CD276: variants seen among roughly 807,000 people sequenced by gnomAD.
CD276 encodes CD276 molecule.
A neutral mutation model predicts 50.0 loss-of-function variants in CD276; 34 were observed. The observed-to-expected ratio is 0.68, with a 90% CI of 0.52 to 0.91. The LOEUF is 0.91. CD276 is among the 40% of genes least tolerant of loss of function. CD276 has a pLI of 0.00. For synonymous variants in CD276, 275 were observed against 313.0 expected, an observed-to-expected ratio of 0.88 and a Z score of 1.28; for missense variants, 634 against 717.5, an observed-to-expected ratio of 0.88 and a Z score of 1.33.
At chr15:73,712,334 TCC>T (rs1900937613) in intron 9 of CD276, among the ~76,000 whole-genome samples, 2 of 152,064 alleles carry the variant, frequency 1.3e-5, no homozygotes, top group African/African-American at 4.8e-5. Flanking sequence ...TCTTCTCCTC[TCC>T]CCAGGGACAT....
Position 73,704,431 on chromosome 15 carries a change from C to G in CD276, c.1328C>G (p.Pro443Arg), listed in dbSNP as rs374412194. ...NGTYSCLVRNPVLQQDAHGSV... is the reference protein window; with the variant it reads ...NGTYSCLVRNRVLQQDAHGSV... The stretch of plus-strand genomic sequence containing the variant: ...ACCTACAGCTGCCTGGTGCGCAACC[C>G]CGTGCTGCAGCAGGATGCGCACGGC... The change falls in exon 6 of 10, where the codon CCC becomes CGC. Residue 443 changes from proline (P) to arginine (R), a missense_variant. Pro to Arg is a moderately radical substitution (Grantham distance 103). Coordinates refer to ENST00000318443, the MANE Select transcript of CD276 (RefSeq NM_001024736.2). This position sits in a 1 kb window ranked among gnomAD's most constrained non-coding sequence, Gnocchi z 4.1. 1.8e-5 allele frequency: 29 copies of G among 1,613,892 alleles called. No homozygotes were observed. The African/African-American group carries it at 3.3e-4, about 19-fold the overall frequency.
Position 73,702,259 on chromosome 15 carries a change from C to T in CD276, c.84C>T (p.Ala28=). The T allele has an allele frequency of 6.2e-7, 1 of 1,607,322 alleles. No homozygotes were observed. The change falls in exon 3 of 10, where the codon GCC becomes GCT. Residue 28 remains alanine (A), a synonymous_variant. Transcript: ENST00000318443. ...LGALWFCLTG[A]LEVQVPEDPV... is the part of the protein sequence containing the mutation. ...CTCCACTCCCCCTACCCCCAGGAGC[C>T]CTGGAGGTCCAGGTCCCTGAAGACC...
intron 1 of CD276, among the ~76,000 whole-genome samples, chr15:73,691,798 A>G (rs1899998070): frequency 6.6e-6 from 1 of 152,250 alleles, no homozygotes; most frequent in Non-Finnish European, 1.5e-5. Flanking sequence ...TGTCAAGGAA[A>G]GAAGGAGCAG....
Position 73,704,850 on chromosome 15 carries a change from C to T in CD276, c.1369+378C>T, listed in dbSNP as rs148725052. On this transcript the variant is annotated intron_variant, in intron 6 of 9. Coordinates refer to ENST00000318443, the MANE Select transcript of CD276 (RefSeq NM_001024736.2). The surrounding 1 kb of genome is among the most constrained non-coding windows in gnomAD (Gnocchi z 4.1). ...TAGGAAGGTATTCTGGGTCAGTGGG[C>T]GCCATCTGATTCTGAAGCCTGAGTG... Among the ~76,000 whole-genome samples the T allele has an allele frequency of 1.7e-3, 266 of 152,272 alleles. 1 individual carries two copies. The highest frequency in any genetic ancestry group is 7.9e-3 in the East Asian group (41 of 5,172).
chr15:73,691,140 G>A (rs1381671005), intron 1 of CD276, among the ~76,000 whole-genome samples: 1 of 151,320 alleles, frequency 6.6e-6, no homozygotes, highest in African/African-American at 2.4e-5. Flanking sequence ...AGCAGGGGTA[G>A]AGAGAAATGG....
At chr15:73,689,403 G>A (rs74026253) in intron 1 of CD276, among the ~76,000 whole-genome samples, 9,411 of 152,088 alleles carry the variant, frequency 0.062, 344 homozygotes, top group East Asian at 0.1. Flanking sequence ...GTGGGATCAC[G>A]GGACTGGGGA....
In CD276 at chr15:73,687,107, T is replaced by G. The variant is rs1257879260; in HGVS notation, c.-55+2647T>G. 1.3e-5 allele frequency among the ~76,000 whole-genome samples: 2 copies of G among 152,122 alleles called. No individual in the cohort carries two copies. The highest frequency in any genetic ancestry group is 2.9e-5 in the Non-Finnish European group (2 of 68,012). ...TGCCTTTGGTCTTGTTGGCTCAGAA[T>G]GGACCCCACACCTGGAAGGGGGCCA... On this transcript the variant is annotated intron_variant, in intron 1 of 9. Coordinates refer to ENST00000318443, the MANE Select transcript of CD276 (RefSeq NM_001024736.2). This position sits in a 1 kb window ranked among gnomAD's most constrained non-coding sequence, Gnocchi z 4.0.
At chr15:73,703,544 T>G in intron 4 of CD276, 115 bp from the exon 5 acceptor site, 1 of 837,886 alleles carries the variant, frequency 1.2e-6, no homozygotes, top group East Asian at 2.7e-5. Flanking sequence ...AAGAAGAAAA[T>G]AGGAAGATGG....
intron 9 of CD276, among the ~76,000 whole-genome samples, chr15:73,712,466 C>T (rs924129433): frequency 6.6e-6 from 1 of 152,194 alleles, no homozygotes; most frequent in Non-Finnish European, 1.5e-5. Flanking sequence ...TGGGATGGCC[C>T]TCCACATGGA....
rs751089402 is a variant in CD276, at chr15:73,709,726, A to G, written c.1546+37A>G. On this transcript the variant is annotated intron_variant, in intron 8 of 9. Coordinates refer to ENST00000318443, the MANE Select transcript of CD276 (RefSeq NM_001024736.2). ...CTTGGAGCTGGCCCTCTTGGCTGGG[A>G]GAGGGACATATGGGAAAGGAGAGAG... 5.0e-6 allele frequency: 8 copies of G among 1,599,802 alleles called. No homozygotes were observed. The East Asian group carries it at 1.8e-4, about 36-fold the overall frequency.
chr15:73,711,430 A>G, intron 9 of CD276: 1 of 455,676 alleles, frequency 2.2e-6, no homozygotes. Context: ...AGCATAGGTA[A>G]TCGTAAAACC....
At chr15:73,710,591 T>C (rs1900856628) in intron 8 of CD276, among the ~76,000 whole-genome samples, 1 of 152,218 alleles carries the variant, frequency 6.6e-6, no homozygotes, top group Non-Finnish European at 1.5e-5. Flanking sequence ...AGATTGACAC[T>C]TGGGGACTGC....
chr15:73,710,529 T>C (rs1220079375), intron 8 of CD276, among the ~76,000 whole-genome samples: 2 of 152,168 alleles, frequency 1.3e-5, no homozygotes, highest in African/African-American at 2.4e-5. Flanking sequence ...CCATTTGGGA[T>C]GGTTCCAGTT....
intron 1 of CD276, among the ~76,000 whole-genome samples, chr15:73,689,188 C>CTGTGTGTGGGTGTGTGTG (rs1899882022): frequency 7.0e-6 from 1 of 142,626 alleles, no homozygotes. Context: ...TCTGTGCCTC[C>CTGTGTGTGGGTGTGTGTG]TGTGTGTGTG....
intron 8 of CD276, among the ~76,000 whole-genome samples, 196 bp from the exon 9 acceptor site, chr15:73,710,939 G>A (rs1292769435): frequency 6.6e-6 from 1 of 152,190 alleles, no homozygotes; most frequent in African/African-American, 2.4e-5. Flanking sequence ...AGAATGACAA[G>A]CCACAGAGTG....
chr15:73,704,964 G>C lies in CD276; in HGVS notation c.1369+492G>C, dbSNP rs1900590235. On this transcript the variant is annotated intron_variant, in intron 6 of 9. Transcript: ENST00000318443. The surrounding 1 kb of genome is among the most constrained non-coding windows in gnomAD (Gnocchi z 4.1). ...CTTGCGCTCCACCCAGGCAGCCGTT[G>C]GATGGGCAGGGGCTGTCTCTGCTGC... Among the ~76,000 whole-genome samples the C allele has an allele frequency of 1.3e-5, 2 of 152,236 alleles. No homozygotes were observed. The highest frequency in any genetic ancestry group is 2.9e-5 in the Non-Finnish European group (2 of 68,034).
At position 73,714,359 on chromosome 15, in the gene CD276, G is replaced by A. The variant is rs966226119; in HGVS notation, c.*1403G>A. On this transcript the variant is annotated 3_prime_UTR_variant, in exon 10 of 10. Coordinates refer to ENST00000318443, the MANE Select transcript of CD276 (RefSeq NM_001024736.2). The stretch of plus-strand genomic sequence containing the variant: ...GCCTCTGGCCAGCTCCTGGCCTCTG[G>A]TAGAGTGAGACTTCAGACGTTCTGA... 3 of 154,032 alleles carry A rather than the reference G, an allele frequency of 1.9e-5. No homozygotes were observed. Among genetic ancestry groups the A allele is most frequent in the African/African-American group, 4.8e-5 (2 of 41,466 alleles). The allele number at this position is 154,032 out of a possible 1,614,324, so 9.5% of individuals were successfully genotyped here.
At chr15:73,708,652 G>C in intron 7 of CD276, 179 bp downstream of exon 7, 1 of 678,782 alleles carries the variant, frequency 1.5e-6, no homozygotes, top group South Asian at 1.8e-5. Context: ...GTGAACAAGC[G>C]TGAGCCTGTC....
chr15:73,694,199 A>G (rs147878547), intron 1 of CD276, among the ~76,000 whole-genome samples: 37 of 152,080 alleles, frequency 2.4e-4, no homozygotes, highest in South Asian at 4.2e-4. Flanking sequence ...ATGTTTGCCC[A>G]TTGCTCAAGC....
Sources: gnomAD v4.1 joint callset for allele counts (sites outside exome capture counted in the v4.1 genomes callset) on GRCh38, gnomAD v4.1.1 for gene constraint, Gnocchi (gnomAD v3.1) non-coding constraint, MANE v1.5 for transcripts, NCBI Gene and HGNC (gene_info 2026-07-23, HGNC 2026-07-21) for gene names.